CAPN9: variants seen among roughly 807,000 people sequenced by gnomAD.
CAPN9 encodes the protein calpain 9.
Under a neutral mutation model 92.8 loss-of-function variants are expected in CAPN9, and 81 were observed. The observed-to-expected ratio is 0.87, with a 90% confidence interval of 0.73 to 1.05. The LOEUF (loss-of-function observed/expected upper bound fraction) is 1.05. CAPN9 is among the 50% of genes least tolerant of loss of function. CAPN9 has a pLI of 0.00. For missense variants in CAPN9, 848 were observed against 866.2 expected, an observed-to-expected ratio of 0.98 and a Z score of 0.26; for synonymous variants, 304 against 328.0, an observed-to-expected ratio of 0.93 and a Z score of 0.79.
At chr1:230,766,932 C>T (rs1452170962) in intron 4 of CAPN9, among the ~76,000 whole-genome samples, 6 of 152,082 alleles carry the variant, frequency 3.9e-5, no homozygotes, top group African/African-American at 1.4e-4. Flanking sequence ...AGGAAAGACC[C>T]GCCTCCATAA....
chr1:230,756,748 C>T (rs1665249581), intron 2 of CAPN9, among the ~76,000 whole-genome samples: 1 of 152,026 alleles, frequency 6.6e-6, no homozygotes, highest in Non-Finnish European at 1.5e-5. Flanking sequence ...CCAGTCTGGG[C>T]AACATAGTGA....
At chr1:230,783,913 GT>G (rs1295597423) in intron 11 of CAPN9, among the ~76,000 whole-genome samples, 3 of 152,214 alleles carry the variant, frequency 2.0e-5, no homozygotes, top group Non-Finnish European at 4.4e-5. Flanking sequence ...GAACAGTGAA[GT>G]TCAGGCTGCC....
At chr1:230,800,275 A>AAAG (rs1278960270) in intron 19 of CAPN9, among the ~76,000 whole-genome samples, 1 of 136,638 alleles carries the variant, frequency 7.3e-6, no homozygotes, top group Non-Finnish European at 1.6e-5. Context: ...AGAAAGAAAG[A>AAAG]AAGAAAGAAA....
intron 11 of CAPN9, among the ~76,000 whole-genome samples, chr1:230,781,523 G>A (rs565408083): frequency 7.4e-4 from 113 of 152,290 alleles, no homozygotes; most frequent in Middle Eastern, 6.8e-3. Flanking sequence ...CAGTGTCTTA[G>A]CGAAATTACT....
chr1:230,757,999 C>T lies in CAPN9; in HGVS notation c.284-1513C>T, dbSNP rs142484379. On this transcript the variant is annotated intron_variant, in intron 2 of 19. Transcript: ENST00000271971. ...GCACCACCCAGATAGCCGAGCAACA[C>T]GCTGACCCACAGAGGGCACTTCTTC... Among the ~76,000 whole-genome samples the T allele has an allele frequency of 1.4e-3, 211 of 152,262 alleles. 1 individual carries two copies. Among genetic ancestry groups the T allele is most frequent in the African/African-American group, 4.4e-3 (183 of 41,558 alleles).
intron 6 of CAPN9, 94 bp downstream of exon 6, chr1:230,769,357 C>T (rs775270706): frequency 2.5e-5 from 23 of 922,470 alleles, no homozygotes; most frequent in African/African-American, 3.3e-5. Context: ...GTTTAAATGT[C>T]TGCCTTTCAG....
At chr1:230,790,849 G>A (rs1346450868) in intron 14 of CAPN9, among the ~76,000 whole-genome samples, 2 of 152,194 alleles carry the variant, frequency 1.3e-5, no homozygotes, top group African/African-American at 2.4e-5. Flanking sequence ...TGCTCGGGAA[G>A]CTGTGGCAGG....
At chr1:230,771,425 G>T (rs1666381076) in intron 6 of CAPN9, among the ~76,000 whole-genome samples, 1 of 152,224 alleles carries the variant, frequency 6.6e-6, no homozygotes, top group Non-Finnish European at 1.5e-5. Flanking sequence ...GGGTGATTGA[G>T]GTGAACAGCA....
intron 1 of CAPN9, among the ~76,000 whole-genome samples, chr1:230,753,703 A>G (rs7542919): frequency 0.079 from 11,955 of 152,072 alleles, 658 homozygotes; most frequent in Non-Finnish European, 0.12. Flanking sequence ...GTGCCTGGAA[A>G]AGTGGGAAGA....
At chr1:230,789,473 C>CA (rs57738295) in intron 13 of CAPN9, among the ~76,000 whole-genome samples, 2,700 of 66,204 alleles carry the variant, frequency 0.041, 206 homozygotes, top group Non-Finnish European at 0.063. Flanking sequence ...GACCCTGTAT[C>CA]AAAAAAAAAA....
intron 2 of CAPN9, 143 bp from the exon 3 acceptor site, chr1:230,759,369 T>C: frequency 1.6e-6 from 1 of 611,140 alleles, no homozygotes; most frequent in Non-Finnish European, 2.9e-6. Context: ...GAGAGAGTTA[T>C]TTGTTGGTGT....
In CAPN9 at chr1:230,790,107, CA is replaced by C. The variant is rs1558115040; in HGVS notation, c.1600-22del. The C allele has an allele frequency of 5.0e-6, 8 of 1,593,750 alleles. No individual in the cohort carries two copies. In the South Asian group the frequency reaches 8.8e-5, roughly 18 times the overall value. On this transcript the variant is annotated intron_variant, in intron 13 of 19. Transcript: ENST00000271971. The stretch of plus-strand genomic sequence containing the variant: ...TAAAAGAAGGTGCCAAGGGCTATAA[CA>C]AACAATTGTCTCCACTTCAACAGGA...
chr1:230,759,394 A>G, intron 2 of CAPN9, 118 bp from the exon 3 acceptor site: 1 of 689,860 alleles, frequency 1.4e-6, no homozygotes. Flanking sequence ...TCTGTTTTTA[A>G]ACAGGTAGAA....
Position 230,792,435 on chromosome 1 carries a change from A to C in CAPN9, c.1732A>C (p.Asn578His), listed in dbSNP as rs1313232948. 1 of 1,613,900 alleles carries C rather than the reference A, an allele frequency of 6.2e-7. No homozygotes were observed. Among genetic ancestry groups the C allele is most frequent in the East Asian group, 2.2e-5 (1 of 44,852 alleles). ...AACCCACATGGCACAGACCAGCGGC[A>C]ATGGGAAGCTGGAGTTTGATGAATT... ...NIISLMDTSG[N>H]GKLEFDEFKV... The change falls in exon 16 of 20, where the codon AAT becomes CAT. Residue 578 changes from asparagine to histidine, a missense_variant. Coordinates refer to ENST00000271971, the MANE Select transcript of CAPN9 (RefSeq NM_006615.3).
chr1:230,769,172 T>C lies in CAPN9; in HGVS notation c.706-8T>C, dbSNP rs563861913. On this transcript the variant is annotated splice_polypyrimidine_tract_variant and splice_region_variant and intron_variant, in intron 5 of 19. Coordinates refer to ENST00000271971, the MANE Select transcript of CAPN9 (RefSeq NM_006615.3). Reference sequence around the variant, plus strand: ...GGTGGGTGTGACTCTGCTCTTTCCATGTTTTAGACCAGAAGTGCTGCAGAA... The same window carrying C: ...GGTGGGTGTGACTCTGCTCTTTCCACGTTTTAGACCAGAAGTGCTGCAGAA... The C allele has an allele frequency of 2.9e-5, 46 of 1,612,160 alleles. No individual in the cohort carries two copies. In the South Asian group the frequency reaches 3.0e-4, roughly 10 times the overall value.
At chr1:230,771,957 G>GA in intron 6 of CAPN9, 57 bp from the exon 7 acceptor site, 1 of 1,433,214 alleles carries the variant, frequency 7.0e-7, no homozygotes, top group Non-Finnish European at 9.9e-7. Flanking sequence ...AGATGAATGT[G>GA]GCCAAACCTC....
intron 5 of CAPN9, 41 bp downstream of exon 5, chr1:230,767,750 G>C: frequency 6.3e-7 from 1 of 1,575,586 alleles, no homozygotes; most frequent in Non-Finnish European, 8.7e-7. Context: ...ACTATGCTGG[G>C]GCTGCATAGT....
intron 3 of CAPN9, among the ~76,000 whole-genome samples, chr1:230,761,049 C>G (rs28359620): frequency 2.0e-5 from 3 of 152,126 alleles, no homozygotes; most frequent in Non-Finnish European, 2.9e-5. Context: ...GTGGTTGATC[C>G]AGGGTCACAA....
chr1:230,749,434 G>T (rs183933693), intron 1 of CAPN9, among the ~76,000 whole-genome samples: 17 of 152,214 alleles, frequency 1.1e-4, no homozygotes, highest in Admixed American at 7.9e-4. Context: ...GCTTATTTCC[G>T]GCCTCGGCGC....
Sources: allele counts gnomAD v4.1 joint callset (sites outside exome capture counted in the v4.1 genomes callset), GRCh38; gene constraint gnomAD v4.1.1; transcripts MANE v1.5; gene names NCBI Gene and HGNC (gene_info 2026-07-23, HGNC 2026-07-21).